The following NRG3 variants were observed in gnomAD, a reference collection of about 807,000 sequenced individuals.
NRG3 encodes the protein neuregulin 3.
Under a neutral mutation model 66.9 loss-of-function variants are expected in NRG3, and 31 were observed. The observed-to-expected ratio is 0.46, with a 90% confidence interval of 0.35 to 0.63. The LOEUF (loss-of-function observed/expected upper bound fraction) is 0.63. NRG3 is among the 20% of genes least tolerant of loss of function. The pLI is 0.00. For missense variants in NRG3, 910 were observed against 878.9 expected, an observed-to-expected ratio of 1.04 and a Z score of -0.45; for synonymous variants, 393 against 359.4, an observed-to-expected ratio of 1.09 and a Z score of -1.06.
chr10:82,982,644 T>A (rs1456718738), intron 8 of NRG3, among the ~76,000 whole-genome samples: 2 of 152,130 alleles, frequency 1.3e-5, no homozygotes, highest in Non-Finnish European at 1.5e-5. Context: ...AAATTTCCCC[T>A]CCCTCTGAGC....
At chr10:82,567,198 C>CATT (rs1475244570) in intron 2 of NRG3, among the ~76,000 whole-genome samples, 5 of 151,864 alleles carry the variant, frequency 3.3e-5, no homozygotes, top group Admixed American at 3.3e-4. Context: ...ACTTAGCTCC[C>CATT]ATTCTGTCTA....
intron 1 of NRG3, among the ~76,000 whole-genome samples, chr10:82,326,833 T>C (rs2081897897): frequency 6.6e-6 from 1 of 152,236 alleles, no homozygotes; most frequent in African/African-American, 2.4e-5. Context: ...ACCTTTAATG[T>C]ATGTAATCTT....
chr10:82,015,176 C>T (rs568499049), intron 1 of NRG3, among the ~76,000 whole-genome samples: 5 of 152,116 alleles, frequency 3.3e-5, no homozygotes, highest in Admixed American at 6.5e-5. Context: ...ATGTGAGAAG[C>T]GCAAATGTAA....
chr10:82,438,940 T>C (rs558190588), intron 2 of NRG3, among the ~76,000 whole-genome samples: 52 of 152,188 alleles, frequency 3.4e-4, no homozygotes, highest in African/African-American at 1.2e-3. Flanking sequence ...TTTTTTTTTT[T>C]TTCATATGAG....
intron 1 of NRG3, among the ~76,000 whole-genome samples, chr10:82,285,094 A>T (rs1158311912): frequency 6.6e-6 from 1 of 152,192 alleles, no homozygotes; most frequent in African/African-American, 2.4e-5. Flanking sequence ...GAGTTAGGGC[A>T]GTTGTCTCCT....
intron 2 of NRG3, among the ~76,000 whole-genome samples, chr10:82,597,015 T>A (rs2047321733): frequency 6.6e-6 from 1 of 152,186 alleles, no homozygotes. Flanking sequence ...AAGACCCTTT[T>A]GGCTTTGTTT....
intron 2 of NRG3, among the ~76,000 whole-genome samples, chr10:82,707,499 G>A (rs1418070293): frequency 1.3e-5 from 2 of 151,324 alleles, no homozygotes; most frequent in Middle Eastern, 3.2e-3. Context: ...CAGGAGGCAA[G>A]AAGCTGGTAC....
chr10:82,232,162 G>T (rs1365119991), intron 1 of NRG3: 1 of 152,208 alleles, frequency 6.6e-6, no homozygotes, highest in Admixed American at 6.6e-5. Flanking sequence ...CCCAAGTCCA[G>T]CAGGGAAAAC....
intron 2 of NRG3, among the ~76,000 whole-genome samples, chr10:82,614,646 A>T (rs2048523609): frequency 1.3e-5 from 2 of 152,316 alleles, no homozygotes; most frequent in South Asian, 4.1e-4. Flanking sequence ...AGAAGTTTTC[A>T]GGTAATAGAA....
At chr10:82,662,920 C>T (rs924176650) in intron 2 of NRG3, among the ~76,000 whole-genome samples, 1 of 152,068 alleles carries the variant, frequency 6.6e-6, no homozygotes, top group Non-Finnish European at 1.5e-5. Context: ...CTACTAGAGC[C>T]CCAGCCGATG....
intron 2 of NRG3, among the ~76,000 whole-genome samples, chr10:82,683,125 A>C (rs1565199022): frequency 6.6e-6 from 1 of 151,360 alleles, no homozygotes; most frequent in African/African-American, 2.4e-5. Context: ...CGCCCGGCTA[A>C]TTTTTTGTAT....
At chr10:82,440,722 T>C (rs2090394160) in intron 2 of NRG3, among the ~76,000 whole-genome samples, 1 of 152,208 alleles carries the variant, frequency 6.6e-6, no homozygotes, top group African/African-American at 2.4e-5. Flanking sequence ...CCATGGTAAA[T>C]GATTGCAATT....
intron 1 of NRG3, among the ~76,000 whole-genome samples, chr10:82,344,386 C>A (rs1174181958): frequency 6.6e-6 from 1 of 150,978 alleles, no homozygotes; most frequent in Non-Finnish European, 1.5e-5. Context: ...CTACAAAGGA[C>A]ATGAACTCAT....
intron 8 of NRG3, among the ~76,000 whole-genome samples, chr10:82,981,402 T>C (rs1852881860): frequency 6.6e-6 from 1 of 152,184 alleles, no homozygotes. Context: ...CAGGGAGCAA[T>C]CTCATTCTCA....
chr10:82,148,649 T>C (rs1367630877), intron 1 of NRG3, among the ~76,000 whole-genome samples: 2 of 152,134 alleles, frequency 1.3e-5, no homozygotes, highest in Non-Finnish European at 2.9e-5. Flanking sequence ...TGGCAGGGTT[T>C]AGGGAGAGGC....
At chr10:82,092,808 A>T (rs2066107057) in intron 1 of NRG3, among the ~76,000 whole-genome samples, 1 of 152,168 alleles carries the variant, frequency 6.6e-6, no homozygotes, top group South Asian at 2.1e-4. Context: ...CAGGTTCTTG[A>T]AGATTGGAAT....
rs528381416 is a variant in NRG3 at position 82,348,134 on chromosome 10, C to T, written c.824-10605C>T. Reference sequence around the variant, plus strand: ...TATGATGTTAGCTGGTTATTTTGCTCGTTAGTTGATGCAGTTTCTTCCTAG... The same window carrying T: ...TATGATGTTAGCTGGTTATTTTGCTTGTTAGTTGATGCAGTTTCTTCCTAG... On this transcript the variant is annotated intron_variant, in intron 1 of 8. Transcript: ENST00000372141. Among the ~76,000 whole-genome samples, 359 of 152,058 alleles carry T rather than the reference C, an allele frequency of 2.4e-3. 1 individual carries two copies. The highest frequency in any genetic ancestry group is 8.3e-3 in the African/African-American group (345 of 41,478).
chr10:82,944,897 T>C (rs951578251), intron 4 of NRG3, among the ~76,000 whole-genome samples: 3 of 152,162 alleles, frequency 2.0e-5, no homozygotes, highest in Admixed American at 1.3e-4. Flanking sequence ...TAAAGGAAAA[T>C]AGGTCCTAGA....
chr10:82,040,501 A>G lies in NRG3; in HGVS notation c.823+164338A>G, dbSNP rs186349185. On this transcript the variant is annotated intron_variant, in intron 1 of 8. Coordinates refer to ENST00000372141, the MANE Select transcript of NRG3 (RefSeq NM_001010848.4). ...GAAAAATCTCTCTCTTGGCACCCAT[A>G]TATGTGTCTCTACAAACTTGTTGGC... is the stretch of plus-strand genomic sequence containing the variant. Among the ~76,000 whole-genome samples, 843 of 134,970 alleles carry G rather than the reference A, an allele frequency of 6.2e-3. 13 individuals carry two copies. The highest frequency in any genetic ancestry group is 0.038 in the Admixed American group (444 of 11,744). The allele number at this position is 134,970 out of a possible 152,430, so 88.5% of individuals were successfully genotyped here.
Sources: gnomAD v4.1 joint callset for allele counts (sites outside exome capture counted in the v4.1 genomes callset) on GRCh38, gnomAD v4.1.1 for gene constraint, MANE v1.5 for transcripts, NCBI Gene and HGNC (gene_info 2026-07-23, HGNC 2026-07-21) for gene names.